FANCC: variants seen among roughly 807,000 people sequenced by gnomAD.
FANCC encodes Fanconi anemia group C protein.
FANCC carries 55 observed loss-of-function variants against 71.3 expected under a neutral mutation model. That is an observed-to-expected ratio of 0.77 (90% CI 0.62 to 0.97). The LOEUF is 0.97. Among genes scored for constraint, FANCC ranks in the 50% least tolerant of loss-of-function variants. The pLI, the probability that FANCC is intolerant of heterozygous loss-of-function variation, is 0.00. For missense variants in FANCC, 678 were observed against 670.9 expected, an observed-to-expected ratio of 1.01 and a Z score of -0.12; for synonymous variants, 275 against 244.9, an observed-to-expected ratio of 1.12 and a Z score of -1.15.
At chr9:95,274,320 C>T (rs1832913810) in intron 1 of FANCC, among the ~76,000 whole-genome samples, 1 of 152,114 alleles carries the variant, frequency 6.6e-6, no homozygotes, top group Admixed American at 6.6e-5. Context: ...TGATCGTTTC[C>T]AGCTTTATCC....
At position 95,101,809 on chromosome 9, in the gene FANCC, A is replaced by C. The variant is rs587779901; in HGVS notation, c.1575T>G (p.Phe525Leu). ...TAEITHEIIGFLDQTLYRWNR... is the reference protein window; with the variant it reads ...TAEITHEIIGLLDQTLYRWNR... ...TCCATCTGTACAAGGTCTGGTCAAGAAAGCCAATGATCTCGTGAGTTATCT... is the reference window on the plus strand; with the variant it reads ...TCCATCTGTACAAGGTCTGGTCAAGCAAGCCAATGATCTCGTGAGTTATCT... Residue 525 changes from phenylalanine (F) to leucine (L), a missense_variant, in exon 15 of 15, where the codon TTT (phenylalanine) becomes TTG (leucine). Transcript: ENST00000289081. The C allele has an allele frequency of 9.3e-6, 15 of 1,614,032 alleles. No homozygotes were observed. The highest frequency in any genetic ancestry group is 2.7e-5 in the African/African-American group (2 of 74,944).
chr9:95,279,542 C>A (rs566018508), intron 1 of FANCC, among the ~76,000 whole-genome samples: 1 of 149,586 alleles, frequency 6.7e-6, no homozygotes, highest in Non-Finnish European at 1.5e-5. Context: ...CTTAAAAGAG[C>A]GTAATAAAAG....
chr9:95,215,287 G>A (rs942723169), intron 4 of FANCC, among the ~76,000 whole-genome samples: 3 of 152,116 alleles, frequency 2.0e-5, no homozygotes, highest in African/African-American at 4.8e-5. Flanking sequence ...TCTTAGGGGA[G>A]CAGAGAGCAG....
chr9:95,150,178 CAG>C, intron 6 of FANCC, 91 bp from the exon 7 acceptor site: 1 of 1,353,192 alleles, frequency 7.4e-7, no homozygotes, highest in Non-Finnish European at 1.0e-6. Context: ...AGGTCAAAGA[CAG>C]ATCACCTGTT....
intron 4 of FANCC, among the ~76,000 whole-genome samples, chr9:95,177,607 C>T (rs1418597562): frequency 6.6e-6 from 1 of 152,174 alleles, no homozygotes; most frequent in Non-Finnish European, 1.5e-5. Flanking sequence ...TACAGCGGTA[C>T]AAAAATATCT....
intron 1 of FANCC, chr9:95,293,527 T>C (rs1834184027): frequency 6.2e-7 from 1 of 1,604,858 alleles, no homozygotes; most frequent in Non-Finnish European, 8.5e-7. Context: ...TCTAATACTT[T>C]ACAAGAACTA....
intron 4 of FANCC, among the ~76,000 whole-genome samples, chr9:95,232,936 A>C (rs1830096288): frequency 6.6e-6 from 1 of 152,206 alleles, no homozygotes; most frequent in Non-Finnish European, 1.5e-5. Flanking sequence ...TCTTGCAAAC[A>C]AATGTTACAG....
At chr9:95,163,493 T>A (rs1830872975) in intron 6 of FANCC, among the ~76,000 whole-genome samples, 1 of 152,232 alleles carries the variant, frequency 6.6e-6, no homozygotes, top group Non-Finnish European at 1.5e-5. Context: ...CAAACGCCAC[T>A]GACATTTTGA....
chr9:95,210,396 G>T (rs779058149), intron 4 of FANCC, among the ~76,000 whole-genome samples: 3 of 151,626 alleles, frequency 2.0e-5, no homozygotes, highest in Non-Finnish European at 4.4e-5. Context: ...AATTAAAATG[G>T]TAAAAAAAAA....
intron 4 of FANCC, among the ~76,000 whole-genome samples, chr9:95,213,220 A>T (rs1231518922): frequency 6.6e-6 from 1 of 152,210 alleles, no homozygotes; most frequent in Admixed American, 6.5e-5. Flanking sequence ...TGTGGCTCAC[A>T]TTATATTTCT....
chr9:95,292,462 C>A, intron 1 of FANCC: 1 of 1,281,798 alleles, frequency 7.8e-7, no homozygotes, highest in Non-Finnish European at 9.8e-7. Flanking sequence ...CCCCCGGGAC[C>A]CCGACTGAGG....
At chr9:95,299,395 C>T (rs916921391) in intron 1 of FANCC, among the ~76,000 whole-genome samples, 46 of 152,220 alleles carry the variant, frequency 3.0e-4, no homozygotes, top group African/African-American at 1.1e-3. Flanking sequence ...TAGATACCCA[C>T]ATGTAGACTA....
chr9:95,136,439 C>A (rs1827708869), intron 7 of FANCC, among the ~76,000 whole-genome samples: 1 of 151,612 alleles, frequency 6.6e-6, no homozygotes, highest in Non-Finnish European at 1.5e-5. Context: ...ATGCACTGGA[C>A]CTTAAGTGTG....
intron 4 of FANCC, among the ~76,000 whole-genome samples, chr9:95,217,835 T>G (rs576178198): frequency 2.0e-5 from 3 of 152,214 alleles, no homozygotes; most frequent in South Asian, 4.1e-4. Context: ...TTAAAAAAAT[T>G]TAATTTGTTA....
intron 1 of FANCC, among the ~76,000 whole-genome samples, chr9:95,305,795 G>A (rs970697176): frequency 5.9e-5 from 9 of 152,178 alleles, no homozygotes; most frequent in African/African-American, 2.2e-4. Flanking sequence ...AAAATTAGGA[G>A]TGAAAATAAA....
At chr9:95,207,614 G>C (rs1487792641) in intron 4 of FANCC, among the ~76,000 whole-genome samples, 1 of 152,076 alleles carries the variant, frequency 6.6e-6, no homozygotes, top group Non-Finnish European at 1.5e-5. Context: ...ATGCTCCCTA[G>C]AACTCCGGGT....
At chr9:95,136,431 G>A (rs1366860091) in intron 7 of FANCC, among the ~76,000 whole-genome samples, 1 of 151,900 alleles carries the variant, frequency 6.6e-6, no homozygotes, top group Non-Finnish European at 1.5e-5. Flanking sequence ...CCTAGTTGAT[G>A]CACTGGACCT....
chr9:95,217,662 A>C (rs1020955709), intron 4 of FANCC, among the ~76,000 whole-genome samples: 2 of 144,986 alleles, frequency 1.4e-5, no homozygotes, highest in Non-Finnish European at 3.1e-5. Context: ...TCATGGTGTA[A>C]ATAAAGAAAG....
intron 1 of FANCC, among the ~76,000 whole-genome samples, chr9:95,272,627 G>A (rs747389243): frequency 2.6e-5 from 4 of 152,134 alleles, no homozygotes; most frequent in Non-Finnish European, 5.9e-5. Flanking sequence ...CCCGAGACGT[G>A]GAGGTTGCAG....
Sources: allele counts gnomAD v4.1 joint callset (sites outside exome capture counted in the v4.1 genomes callset), GRCh38; gene constraint gnomAD v4.1.1; transcripts MANE v1.5; gene names NCBI Gene and HGNC (gene_info 2026-07-23, HGNC 2026-07-21).